Variants in MAGI1 observed in about 807,000 individuals in gnomAD.
MAGI1 encodes the protein membrane-associated guanylate kinase, WW and PDZ domain-containing protein 1.
Under a neutral mutation model 139.9 loss-of-function variants are expected in MAGI1, and 58 were observed. The observed-to-expected ratio is 0.41, with a 90% CI of 0.34 to 0.52. The LOEUF (loss-of-function observed/expected upper bound fraction) is 0.52. MAGI1 is among the 20% of genes least tolerant of loss of function. The pLI, the probability that MAGI1 is intolerant of heterozygous loss-of-function variation, is 0.12. For missense variants in MAGI1, 1,874 were observed against 1,901.6 expected, an observed-to-expected ratio of 0.99 and a Z score of 0.27; for synonymous variants, 812 against 737.9, an observed-to-expected ratio of 1.10 and a Z score of -1.63.
intron 1 of MAGI1, among the ~76,000 whole-genome samples, chr3:65,806,479 G>A (rs72894152): frequency 0.022 from 3,385 of 151,884 alleles, 126 homozygotes; most frequent in African/African-American, 0.078. Flanking sequence ...TAGGGCAAAC[G>A]CCGAGCTGTA....
intron 1 of MAGI1, among the ~76,000 whole-genome samples, chr3:65,671,802 C>T (rs1229564169): frequency 6.6e-6 from 1 of 152,182 alleles, no homozygotes; most frequent in Non-Finnish European, 1.5e-5. Flanking sequence ...ATACCCATCA[C>T]TTCCCTCCTT....
At chr3:65,938,451 G>A (rs941493127) in intron 1 of MAGI1, among the ~76,000 whole-genome samples, 3 of 151,440 alleles carry the variant, frequency 2.0e-5, no homozygotes, top group African/African-American at 7.3e-5. Context: ...AAGGTGATTC[G>A]AGTACTATTA....
chr3:65,966,419 T>G (rs2064744620), intron 1 of MAGI1, among the ~76,000 whole-genome samples: 1 of 152,200 alleles, frequency 6.6e-6, no homozygotes. Context: ...GTCTACCTAT[T>G]TGTTTTATTC....
At chr3:65,915,458 A>G (rs2061854519) in intron 1 of MAGI1, among the ~76,000 whole-genome samples, 1 of 152,200 alleles carries the variant, frequency 6.6e-6, no homozygotes, top group Non-Finnish European at 1.5e-5. Context: ...TGATCTGCAC[A>G]CTTGCCCCTT....
intron 12 of MAGI1, among the ~76,000 whole-genome samples, chr3:65,425,118 A>AACAAAC (rs1164088993): frequency 2.0e-5 from 1 of 50,892 alleles, no homozygotes; most frequent in African/African-American, 9.0e-5. Flanking sequence ...TAAAAAAAAA[A>AACAAAC]AAAAAAAAAA....
In MAGI1 at chr3:65,680,034, T is replaced by TTC. The variant is rs146996108; in HGVS notation, c.314-57948_314-57947dup. Among the ~76,000 whole-genome samples the TTC allele has an allele frequency of 4.6e-4, 70 of 152,256 alleles. 1 individual carries two copies. In the East Asian group the frequency reaches 0.012, roughly 26 times the overall value. ...CTTGCTTAGAGGGTAGAAAGATTAG[T>TTC]TCTCTCTCTCTTTGATCCCAAAGCT... On this transcript the variant is annotated intron_variant, in intron 1 of 22. Coordinates refer to ENST00000402939, the MANE Select transcript of MAGI1 (RefSeq NM_001033057.2).
At chr3:65,986,704 T>C (rs1249313742) in intron 1 of MAGI1, among the ~76,000 whole-genome samples, 1 of 152,188 alleles carries the variant, frequency 6.6e-6, no homozygotes, top group Non-Finnish European at 1.5e-5. Flanking sequence ...TAGAAGCTTT[T>C]TGCGTAAATA....
chr3:65,467,650 G>C (rs747889234), intron 5 of MAGI1, among the ~76,000 whole-genome samples: 1 of 152,176 alleles, frequency 6.6e-6, no homozygotes, highest in Admixed American at 6.5e-5. Context: ...CCATAGTTTA[G>C]GAGGCCAGCA....
At chr3:65,444,201 A>G (rs11720379) in intron 7 of MAGI1, among the ~76,000 whole-genome samples, 1 of 152,014 alleles carries the variant, frequency 6.6e-6, no homozygotes, top group Non-Finnish European at 1.5e-5. Flanking sequence ...AAGCTACTAA[A>G]ATGCAAGACA....
chr3:65,601,730 A>T (rs1455487365), intron 2 of MAGI1, among the ~76,000 whole-genome samples: 3 of 74,836 alleles, frequency 4.0e-5, no homozygotes, highest in East Asian at 2.0e-4. Flanking sequence ...AAGCACAAAT[A>T]AAAAAAAAAC....
intron 2 of MAGI1, among the ~76,000 whole-genome samples, chr3:65,549,236 G>A (rs1011348482): frequency 1.3e-5 from 2 of 152,078 alleles, no homozygotes; most frequent in Non-Finnish European, 2.9e-5. Flanking sequence ...AGTGCAGCGC[G>A]TTCCAGCCGC....
At chr3:65,804,872 C>A (rs993699444) in intron 1 of MAGI1, among the ~76,000 whole-genome samples, 2 of 152,176 alleles carry the variant, frequency 1.3e-5, no homozygotes, top group Non-Finnish European at 2.9e-5. Flanking sequence ...GCTGGTAGAA[C>A]TGGCTAGCCA....
intron 1 of MAGI1, among the ~76,000 whole-genome samples, chr3:65,636,727 C>T (rs1379596514): frequency 6.8e-6 from 1 of 147,216 alleles, no homozygotes; most frequent in Non-Finnish European, 1.5e-5. Flanking sequence ...CACACACATA[C>T]ACACACACAC....
At chr3:65,731,677 A>AG (rs1361807785) in intron 1 of MAGI1, among the ~76,000 whole-genome samples, 2 of 149,850 alleles carry the variant, frequency 1.3e-5, no homozygotes, top group African/African-American at 5.0e-5. Context: ...AAAAAAAAAA[A>AG]AAAGAAAGAA....
chr3:65,696,668 G>C (rs973102973), intron 1 of MAGI1, among the ~76,000 whole-genome samples: 1 of 151,582 alleles, frequency 6.6e-6, no homozygotes, highest in Admixed American at 6.6e-5. Context: ...CCTAACATTT[G>C]TGGCAATACA....
intron 1 of MAGI1, among the ~76,000 whole-genome samples, chr3:65,683,206 G>A (rs547189522): frequency 7.9e-5 from 12 of 152,070 alleles, no homozygotes; most frequent in African/African-American, 2.9e-4. Context: ...ATACAATGGT[G>A]GATACATGTC....
At chr3:65,742,129 T>C (rs1409518548) in intron 1 of MAGI1, among the ~76,000 whole-genome samples, 1 of 152,142 alleles carries the variant, frequency 6.6e-6, no homozygotes, top group East Asian at 1.9e-4. Context: ...TATTTAACAC[T>C]GTATCAAGTC....
intron 1 of MAGI1, among the ~76,000 whole-genome samples, chr3:65,869,953 TA>T (rs1275373502): frequency 6.6e-6 from 1 of 152,194 alleles, no homozygotes; most frequent in Non-Finnish European, 1.5e-5. Flanking sequence ...TCCTATTCTT[TA>T]CCCTAGAAAT....
At chr3:66,025,478 G>A (rs1418944613) in intron 1 of MAGI1, among the ~76,000 whole-genome samples, 3 of 152,274 alleles carry the variant, frequency 2.0e-5, no homozygotes, top group Non-Finnish European at 4.4e-5. Context: ...AGATACAGGT[G>A]AGCCAAGACC....
Sources: gnomAD v4.1 joint callset for allele counts (sites outside exome capture counted in the v4.1 genomes callset) on GRCh38, gnomAD v4.1.1 for gene constraint, MANE v1.5 for transcripts, NCBI Gene and HGNC (gene_info 2026-07-23, HGNC 2026-07-21) for gene names.